The following SSBP2 variants were observed in gnomAD, a reference collection of about 807,000 sequenced individuals.
The protein encoded by SSBP2 is single-stranded DNA-binding protein 2.
In SSBP2, 17 loss-of-function variants were observed where a neutral mutation model predicts 61.8. The ratio of observed to expected loss-of-function variants is 0.28; its 90% CI spans 0.19 to 0.41. SSBP2 has a LOEUF of 0.41. Among genes scored for constraint, SSBP2 ranks in the 10% least tolerant of loss-of-function variants. The pLI is 1.00. For synonymous variants in SSBP2, 139 were observed against 141.3 expected, an observed-to-expected ratio of 0.98 and a Z score of 0.12; for missense variants, 310 against 458.7, an observed-to-expected ratio of 0.68 and a Z score of 2.96.
At chr5:81,452,044 G>C (rs1346386146) in intron 10 of SSBP2, among the ~76,000 whole-genome samples, 4 of 149,318 alleles carry the variant, frequency 2.7e-5, no homozygotes, top group African/African-American at 5.1e-5. Flanking sequence ...CTTACAGAGA[G>C]TAGATGCCCA....
At chr5:81,522,831 G>A (rs894325113) in intron 4 of SSBP2, among the ~76,000 whole-genome samples, 88 of 151,934 alleles carry the variant, frequency 5.8e-4, no homozygotes, top group African/African-American at 2.1e-3. Flanking sequence ...ACTTTTTTTG[G>A]TCTGTTTTTC....
At chr5:81,693,140 G>A (rs1214559213) in intron 1 of SSBP2, among the ~76,000 whole-genome samples, 2 of 150,998 alleles carry the variant, frequency 1.3e-5, no homozygotes, top group African/African-American at 4.9e-5. Flanking sequence ...GGAGGCAGAG[G>A]TTGCAGCGAG....
chr5:81,536,353 A>G (rs1770798656), intron 4 of SSBP2, among the ~76,000 whole-genome samples: 1 of 152,086 alleles, frequency 6.6e-6, no homozygotes, highest in African/African-American at 2.4e-5. Context: ...GGGTACACAT[A>G]CAGGTTTGTT....
intron 4 of SSBP2, among the ~76,000 whole-genome samples, chr5:81,520,398 C>A (rs758759762): frequency 6.6e-6 from 1 of 152,008 alleles, no homozygotes; most frequent in Non-Finnish European, 1.5e-5. Context: ...TTTCTTAAGC[C>A]ATCTAATGAT....
intron 3 of SSBP2, among the ~76,000 whole-genome samples, chr5:81,635,711 G>A (rs957025589): frequency 2.0e-5 from 3 of 151,820 alleles, no homozygotes; most frequent in Non-Finnish European, 2.9e-5. Context: ...AGCCTCCTGG[G>A]TACCTGGGAC....
At chr5:81,450,640 A>G (rs1440791843) in intron 10 of SSBP2, among the ~76,000 whole-genome samples, 1 of 152,138 alleles carries the variant, frequency 6.6e-6, no homozygotes, top group Non-Finnish European at 1.5e-5. Context: ...TCCTCATGAC[A>G]CTTACAAAAA....
chr5:81,545,881 A>T (rs1461738433), intron 4 of SSBP2, among the ~76,000 whole-genome samples: 2 of 152,200 alleles, frequency 1.3e-5, no homozygotes, highest in Non-Finnish European at 2.9e-5. Flanking sequence ...TCTTTGTCAT[A>T]GGCCTTTGCT....
intron 1 of SSBP2, among the ~76,000 whole-genome samples, chr5:81,656,812 A>G (rs1156996632): frequency 6.6e-6 from 1 of 152,204 alleles, no homozygotes; most frequent in Non-Finnish European, 1.5e-5. Flanking sequence ...AAAAACATTA[A>G]AGTATTCAAT....
chr5:81,736,560 C>T (rs1756640010), intron 1 of SSBP2, among the ~76,000 whole-genome samples: 1 of 151,966 alleles, frequency 6.6e-6, no homozygotes, highest in African/African-American at 2.4e-5. Context: ...TTTGTATATG[C>T]ATGTATGGAT....
intron 4 of SSBP2, 52 bp downstream of exon 4, chr5:81,615,421 G>T: frequency 7.6e-7 from 1 of 1,308,714 alleles, no homozygotes; most frequent in Non-Finnish European, 1.1e-6. Flanking sequence ...TAAGAGCAGT[G>T]GTTAAACAGA....
At chr5:81,541,310 G>T (rs1202391322) in intron 4 of SSBP2, among the ~76,000 whole-genome samples, 1 of 152,112 alleles carries the variant, frequency 6.6e-6, no homozygotes, top group African/African-American at 2.4e-5. Context: ...CTCACAGATT[G>T]GAAGAATCAA....
chr5:81,588,301 T>C (rs1001537075), intron 4 of SSBP2, among the ~76,000 whole-genome samples: 2 of 152,106 alleles, frequency 1.3e-5, no homozygotes, highest in African/African-American at 2.4e-5. Flanking sequence ...CATTATCTTA[T>C]ATATAAAGAT....
At chr5:81,628,297 T>C (rs879824645) in intron 3 of SSBP2, among the ~76,000 whole-genome samples, 3 of 152,164 alleles carry the variant, frequency 2.0e-5, no homozygotes, top group Non-Finnish European at 4.4e-5. Flanking sequence ...GAACTTACTA[T>C]TTCTAGAATA....
intron 2 of SSBP2, among the ~76,000 whole-genome samples, chr5:81,645,987 C>T (rs1186501554): frequency 1.3e-5 from 2 of 152,172 alleles, no homozygotes; most frequent in African/African-American, 2.4e-5. Flanking sequence ...ATGTGCCCCA[C>T]TCTTCTGACT....
chr5:81,505,957 C>T (rs1363020315), intron 5 of SSBP2, among the ~76,000 whole-genome samples: 3 of 152,170 alleles, frequency 2.0e-5, no homozygotes, highest in African/African-American at 7.2e-5. Flanking sequence ...CTGACACTCC[C>T]TTCTTTGCTC....
At chr5:81,680,257 A>G (rs948221629) in intron 1 of SSBP2, among the ~76,000 whole-genome samples, 4 of 150,114 alleles carry the variant, frequency 2.7e-5, no homozygotes, top group Non-Finnish European at 5.9e-5. Context: ...ATATGAGCCA[A>G]TCCCTCATAA....
intron 3 of SSBP2, among the ~76,000 whole-genome samples, chr5:81,621,790 G>C (rs1449198240): frequency 9.8e-6 from 1 of 102,106 alleles, no homozygotes; most frequent in Non-Finnish European, 2.0e-5. Context: ...AAAATGATGA[G>C]TTCATGTCCT....
At chr5:81,584,004 G>A (rs1445695710) in intron 4 of SSBP2, among the ~76,000 whole-genome samples, 2 of 152,172 alleles carry the variant, frequency 1.3e-5, no homozygotes, top group Admixed American at 6.5e-5. Context: ...AAACTAGTTT[G>A]ATACAGTTGA....
At chr5:81,448,492 A>C (rs1163346718) in intron 11 of SSBP2, among the ~76,000 whole-genome samples, 1 of 152,178 alleles carries the variant, frequency 6.6e-6, no homozygotes, top group East Asian at 1.9e-4. Flanking sequence ...CGCAAATTCA[A>C]GCATATTACT....
Sources: gnomAD v4.1 joint callset for allele counts (sites outside exome capture counted in the v4.1 genomes callset) on GRCh38, gnomAD v4.1.1 for gene constraint, MANE v1.5 for transcripts, NCBI Gene and HGNC (gene_info 2026-07-23, HGNC 2026-07-21) for gene names.